Variants in KCNIP4 observed in about 807,000 individuals in gnomAD.
KCNIP4 encodes potassium voltage-gated channel interacting protein 4.
A neutral mutation model predicts 34.0 loss-of-function variants in KCNIP4; 12 were observed. That is an observed-to-expected ratio of 0.35 (90% CI 0.23 to 0.57). KCNIP4 has a LOEUF of 0.57. Among genes scored for constraint, KCNIP4 ranks in the 20% least tolerant of loss-of-function variants. The pLI, the probability that KCNIP4 is intolerant of heterozygous loss-of-function variation, is 0.83. For synonymous variants in KCNIP4, 124 were observed against 102.2 expected, an observed-to-expected ratio of 1.21 and a Z score of -1.29; for missense variants, 238 against 311.7, an observed-to-expected ratio of 0.76 and a Z score of 1.78.
chr4:21,567,651 T>C (rs113129191), intron 1 of KCNIP4, among the ~76,000 whole-genome samples: 3 of 152,262 alleles, frequency 2.0e-5, no homozygotes, highest in Admixed American at 1.3e-4. Context: ...AAAGCAAAGA[T>C]AACTAAAATA....
intron 1 of KCNIP4, among the ~76,000 whole-genome samples, chr4:21,398,776 C>A (rs1723228763): frequency 6.6e-6 from 1 of 152,212 alleles, no homozygotes; most frequent in South Asian, 2.1e-4. Flanking sequence ...TTCTTTCTCA[C>A]TTTTTCTCTC....
intron 1 of KCNIP4, among the ~76,000 whole-genome samples, chr4:21,072,287 C>T (rs1216763482): frequency 6.6e-6 from 1 of 152,198 alleles, no homozygotes; most frequent in African/African-American, 2.4e-5. Flanking sequence ...TATTTCTCCA[C>T]ATCCTCTCCA....
chr4:21,315,136 A>G (rs926399573), intron 1 of KCNIP4: 8 of 152,244 alleles, frequency 5.3e-5, no homozygotes, highest in Non-Finnish European at 4.4e-5. Context: ...TAGTAGTAAC[A>G]TCTCAGAGTT....
At chr4:20,891,360 A>C (rs1393671642) in intron 1 of KCNIP4, among the ~76,000 whole-genome samples, 1 of 152,144 alleles carries the variant, frequency 6.6e-6, no homozygotes, top group Non-Finnish European at 1.5e-5. Flanking sequence ...TAATCCTAGC[A>C]CTTTGGGAGT....
intron 1 of KCNIP4, among the ~76,000 whole-genome samples, chr4:21,675,283 G>T (rs1022594216): frequency 1.3e-5 from 2 of 152,122 alleles, no homozygotes; most frequent in African/African-American, 2.4e-5. Context: ...TAGAATGTCG[G>T]TTACCAGAGG....
At chr4:21,302,937 A>T (rs1560271133) in intron 1 of KCNIP4, among the ~76,000 whole-genome samples, 1 of 152,248 alleles carries the variant, frequency 6.6e-6, no homozygotes, top group Admixed American at 6.5e-5. Context: ...ATATCTAAAC[A>T]TAACTACGTC....
At chr4:21,517,373 A>G (rs996116480) in intron 1 of KCNIP4, among the ~76,000 whole-genome samples, 2 of 152,172 alleles carry the variant, frequency 1.3e-5, no homozygotes, top group Non-Finnish European at 2.9e-5. Context: ...GAAAGCAGAG[A>G]GTTTTGAACC....
At chr4:21,314,011 C>T (rs766159423) in intron 1 of KCNIP4, among the ~76,000 whole-genome samples, 2 of 152,168 alleles carry the variant, frequency 1.3e-5, no homozygotes, top group Non-Finnish European at 2.9e-5. Flanking sequence ...GGGCTGTGAT[C>T]ATATCTGAAG....
At chr4:20,961,260 GA>G (rs909859416) in intron 1 of KCNIP4, among the ~76,000 whole-genome samples, 1 of 151,682 alleles carries the variant, frequency 6.6e-6, no homozygotes, top group South Asian at 2.1e-4. Context: ...CAAACAAAAG[GA>G]AAAAAAATCT....
chr4:21,032,465 A>G (rs188623614), intron 1 of KCNIP4, among the ~76,000 whole-genome samples: 3 of 152,170 alleles, frequency 2.0e-5, no homozygotes, highest in African/African-American at 4.8e-5. Context: ...TTCAAAGAAC[A>G]TATGACTCAG....
chr4:21,099,778 G>C (rs757318869), intron 1 of KCNIP4, among the ~76,000 whole-genome samples: 1 of 152,122 alleles, frequency 6.6e-6, no homozygotes, highest in Non-Finnish European at 1.5e-5. Flanking sequence ...TAATTCATGG[G>C]AGAAGGTCAA....
chr4:21,417,004 A>G (rs1157024557), intron 1 of KCNIP4, among the ~76,000 whole-genome samples: 1 of 152,150 alleles, frequency 6.6e-6, no homozygotes, highest in Non-Finnish European at 1.5e-5. Context: ...ATGAAATCAT[A>G]TTTGCTGTTT....
At chr4:21,711,434 A>T (rs1713717555) in intron 1 of KCNIP4, among the ~76,000 whole-genome samples, 1 of 152,184 alleles carries the variant, frequency 6.6e-6, no homozygotes, top group Non-Finnish European at 1.5e-5. Context: ...GTGAACCAAG[A>T]TCGCGCCACT....
At chr4:21,603,168 A>C (rs1299994248) in intron 1 of KCNIP4, among the ~76,000 whole-genome samples, 2 of 152,158 alleles carry the variant, frequency 1.3e-5, no homozygotes, top group East Asian at 3.9e-4. Context: ...GAATAAACTT[A>C]TTTGAGCATT....
chr4:21,868,954 A>C (rs1381828641), intron 1 of KCNIP4, among the ~76,000 whole-genome samples: 2 of 152,226 alleles, frequency 1.3e-5, no homozygotes, highest in Non-Finnish European at 2.9e-5. Context: ...AAATGTTCTC[A>C]CTGGGAAAAC....
chr4:21,381,844 C>G (rs1721538366), intron 1 of KCNIP4, among the ~76,000 whole-genome samples: 1 of 152,026 alleles, frequency 6.6e-6, no homozygotes, highest in Non-Finnish European at 1.5e-5. Flanking sequence ...TGTGAGACGC[C>G]CTGGAGATAC....
At chr4:21,217,845 T>C (rs1476215503) in intron 1 of KCNIP4, among the ~76,000 whole-genome samples, 1 of 152,132 alleles carries the variant, frequency 6.6e-6, no homozygotes, top group Non-Finnish European at 1.5e-5. Context: ...GTTAAAAATA[T>C]GTGTGACTTA....
intron 1 of KCNIP4, among the ~76,000 whole-genome samples, chr4:21,174,400 C>T (rs551806847): frequency 6.3e-4 from 96 of 152,218 alleles, no homozygotes; most frequent in Middle Eastern, 3.4e-3. Context: ...TCCTGAGACT[C>T]AGTTTGTATG....
In KCNIP4 at chr4:21,203,283, A is replaced by G. The variant is rs146212845; in HGVS notation, c.62-320574T>C. ...CACAGCAGGAAGAGACTCAGAGTGA[A>G]CCGCTCAAAGTCACAGTGCCCATGG... On this transcript the variant is annotated intron_variant, in intron 1 of 8. Transcript: ENST00000382152. 3.1e-3 allele frequency among the ~76,000 whole-genome samples: 473 copies of G among 152,294 alleles called. 1 individual carries two copies. Among genetic ancestry groups the G allele is most frequent in the African/African-American group, 0.011 (456 of 41,554 alleles).
Sources: gnomAD v4.1 joint callset for allele counts (sites outside exome capture counted in the v4.1 genomes callset) on GRCh38, gnomAD v4.1.1 for gene constraint, MANE v1.5 for transcripts, NCBI Gene and HGNC (gene_info 2026-07-23, HGNC 2026-07-21) for gene names.